PCM1: variants seen among roughly 807,000 people sequenced by gnomAD.
The protein encoded by PCM1 is pericentriolar material 1 protein.
A neutral mutation model predicts 241.9 loss-of-function variants in PCM1; 157 were observed. The ratio of observed to expected loss-of-function variants is 0.65; its 90% CI spans 0.57 to 0.74. The LOEUF (loss-of-function observed/expected upper bound fraction) is 0.74, where lower values mean the gene tolerates loss of function less well. Among genes scored for constraint, PCM1 ranks in the 30% least tolerant of loss-of-function variants. PCM1 has a pLI of 0.00. For missense variants in PCM1, 3,478 were observed against 2,360.1 expected, an observed-to-expected ratio of 1.47 and a Z score of -9.81; for synonymous variants, 1,085 against 784.9, an observed-to-expected ratio of 1.38 and a Z score of -6.39.
intron 5 of PCM1, among the ~76,000 whole-genome samples, chr8:17,939,441 G>A (rs1586002196): frequency 6.6e-6 from 1 of 152,168 alleles, no homozygotes; most frequent in Admixed American, 6.5e-5. Flanking sequence ...TTCAGATACT[G>A]TAGATTAAAA....
intron 13 of PCM1, 96 bp from the exon 14 acceptor site, chr8:17,959,918 T>A (rs1179850799): frequency 1.7e-6 from 2 of 1,165,572 alleles, no homozygotes; most frequent in Admixed American, 2.7e-5. Flanking sequence ...TTAATCTTTT[T>A]ATGTAAATTT....
In PCM1 at chr8:17,933,213, C is replaced by T. The variant is rs370855292; in HGVS notation, c.-22-2376C>T. Among the ~76,000 whole-genome samples the T allele has an allele frequency of 6.6e-5, 10 of 152,240 alleles. No homozygotes were observed. In the East Asian group the frequency reaches 1.2e-3, roughly 18 times the overall value. On this transcript the variant is annotated intron_variant, in intron 2 of 38. Coordinates refer to ENST00000325083, the MANE Select transcript of PCM1 (RefSeq NM_006197.4). ...TGGTAAGCAAAATAAAATGCGTTAG[C>T]TGTTACTAGTTTTTCTTACTACATT...
chr8:17,998,035 G>GA (rs764623076), intron 29 of PCM1, among the ~76,000 whole-genome samples: 2,023 of 127,078 alleles, frequency 0.016, 17 homozygotes, highest in African/African-American at 0.039. Context: ...GGCTCCGTCT[G>GA]AAAAAAAAAA....
chr8:17,993,357 C>T, intron 28 of PCM1, 126 bp from the exon 29 acceptor site: 1 of 570,486 alleles, frequency 1.8e-6, no homozygotes, highest in Non-Finnish European at 2.8e-6. Context: ...AAACTACAAA[C>T]ATGTTTCTTT....
intron 9 of PCM1, among the ~76,000 whole-genome samples, chr8:17,954,018 A>G (rs973570740): frequency 6.6e-6 from 1 of 152,224 alleles, no homozygotes; most frequent in African/African-American, 2.4e-5. Flanking sequence ...CACCCACAAA[A>G]GAACCTTAAT....
chr8:17,943,046 A>G (rs1264561482), intron 6 of PCM1, among the ~76,000 whole-genome samples: 2 of 151,918 alleles, frequency 1.3e-5, no homozygotes, highest in African/African-American at 2.4e-5. Context: ...ATAAAAGTGC[A>G]TGTATCTGTT....
intron 10 of PCM1, among the ~76,000 whole-genome samples, chr8:17,956,282 A>G (rs1223933340): frequency 2.6e-5 from 4 of 152,190 alleles, no homozygotes; most frequent in Admixed American, 1.3e-4. Flanking sequence ...CACTTTTGAT[A>G]CTTGAGAAAC....
chr8:18,011,324 C>G lies in PCM1; in HGVS notation c.5308C>G (p.Gln1770Glu), dbSNP rs2092467573. The change falls in exon 33 of 39, where the codon CAA (glutamine) becomes GAA (glutamate). Residue 1770 changes from glutamine (Q) to glutamate (E), a missense_variant. Gln to Glu is a conservative substitution (Grantham distance 29). Coordinates refer to ENST00000325083, the MANE Select transcript of PCM1 (RefSeq NM_006197.4). The stretch of plus-strand genomic sequence containing the variant: ...AAATGTAAGATCTGATATTTCTGAT[C>G]AAGAGGAAGATGAAGAAAGTGAAGG... ...PKNVRSDISD[Q>E]EEDEESEGCP... is the part of the protein sequence containing the mutation. 3 of 1,605,044 alleles carry G rather than the reference C, an allele frequency of 1.9e-6. No homozygotes were observed. The highest frequency in any genetic ancestry group is 2.6e-6 in the Non-Finnish European group (3 of 1,176,276).
intron 29 of PCM1, among the ~76,000 whole-genome samples, chr8:18,003,619 C>A (rs1004509121): frequency 1.3e-5 from 2 of 152,052 alleles, no homozygotes; most frequent in African/African-American, 4.8e-5. Flanking sequence ...TTATTTGTAT[C>A]TCCCCCCTAG....
intron 2 of PCM1, among the ~76,000 whole-genome samples, chr8:17,931,296 C>CT (rs1229238796): frequency 1.1e-3 from 165 of 145,528 alleles, no homozygotes; most frequent in Admixed American, 2.0e-3. Context: ...CAGATATATT[C>CT]TTTTTTTTTT....
At chr8:18,006,182 A>T in intron 29 of PCM1, 81 bp from the exon 30 acceptor site, 1 of 1,103,582 alleles carries the variant, frequency 9.1e-7, no homozygotes, top group Middle Eastern at 2.1e-4. Context: ...TTAAAAATTA[A>T]CATTTTGTAT....
chr8:17,975,998 T>A (rs2078637335), intron 23 of PCM1, among the ~76,000 whole-genome samples: 1 of 152,214 alleles, frequency 6.6e-6, no homozygotes, highest in Non-Finnish European at 1.5e-5. Flanking sequence ...AAGATTTTCT[T>A]CACTCTTTTC....
At chr8:17,954,205 A>G (rs969994252) in intron 9 of PCM1, among the ~76,000 whole-genome samples, 3 of 152,138 alleles carry the variant, frequency 2.0e-5, no homozygotes, top group African/African-American at 7.2e-5. Flanking sequence ...AGGCGGGTGG[A>G]TCACCTGAGG....
intron 23 of PCM1, among the ~76,000 whole-genome samples, chr8:17,973,179 T>C (rs569904097): frequency 6.6e-6 from 1 of 152,352 alleles, no homozygotes; most frequent in East Asian, 1.9e-4. Flanking sequence ...TACTCAGTCT[T>C]GCCATTGAAT....
chr8:18,026,026 C>T (rs1034462359), intron 38 of PCM1, among the ~76,000 whole-genome samples: 68 of 151,058 alleles, frequency 4.5e-4, no homozygotes, highest in Non-Finnish European at 8.7e-4. Flanking sequence ...CAGCCAAGCG[C>T]GGTGGCGGGC....
chr8:18,020,661 A>C (rs208025), intron 36 of PCM1, among the ~76,000 whole-genome samples: 2,597 of 152,206 alleles, frequency 0.017, 42 homozygotes, highest in South Asian at 0.044. Flanking sequence ...ATACTGAGCA[A>C]GACATGCTGT....
chr8:17,932,141 T>G (rs2059214474), intron 2 of PCM1, among the ~76,000 whole-genome samples: 1 of 152,204 alleles, frequency 6.6e-6, no homozygotes, highest in Admixed American at 6.5e-5. Context: ...GTACTTAGTA[T>G]TCTACCCAGC....
rs2092466759 is a variant in PCM1, at chr8:18,011,316, TTTCTGATCA to T, written c.5301_5309del (p.Ser1768_Gln1770del). ...GGTCCCAAAAATGTAAGATCTGATA[TTTCTGATCA>T]AGAGGAAGATGAAGAAAGTGAAGGA... On this transcript the variant is annotated inframe_deletion, in exon 33 of 39. Transcript: ENST00000325083. 6.2e-7 allele frequency: 1 copy of T among 1,607,210 alleles called. No individual in the cohort carries two copies. Among genetic ancestry groups the T allele is most frequent in the Admixed American group, 1.7e-5 (1 of 58,804 alleles).
At chr8:17,982,297 C>T (rs181814840) in intron 24 of PCM1, among the ~76,000 whole-genome samples, 395 of 152,016 alleles carry the variant, frequency 2.6e-3, no homozygotes, top group African/African-American at 4.2e-3. Context: ...ATAAACAGTC[C>T]GGTAGAGGTC....
Sources: gnomAD v4.1 joint callset for allele counts (sites outside exome capture counted in the v4.1 genomes callset) on GRCh38, gnomAD v4.1.1 for gene constraint, MANE v1.5 for transcripts, NCBI Gene and HGNC (gene_info 2026-07-23, HGNC 2026-07-21) for gene names.